The following ACOT11 variants were observed in gnomAD, a reference collection of about 807,000 sequenced individuals.
ACOT11 encodes the protein acyl-coenzyme A thioesterase 11.
ACOT11 carries 69 observed loss-of-function variants against 77.5 expected under a neutral mutation model. That is an observed-to-expected ratio of 0.89 (90% confidence interval 0.73 to 1.09). The LOEUF (loss-of-function observed/expected upper bound fraction) is 1.09, where lower values mean the gene tolerates loss of function less well. ACOT11 is among the 50% of genes least tolerant of loss of function. The probability of loss-of-function intolerance (pLI) is 0.00; values close to 1 mark genes in which losing one functional copy is unlikely to be tolerated. For synonymous variants in ACOT11, 279 were observed against 313.0 expected, an observed-to-expected ratio of 0.89 and a Z score of 1.15; for missense variants, 766 against 813.7, an observed-to-expected ratio of 0.94 and a Z score of 0.71.
chr1:54,555,853 T>G (rs1055681627), intron 1 of ACOT11, among the ~76,000 whole-genome samples: 1 of 152,190 alleles, frequency 6.6e-6, no homozygotes. Flanking sequence ...CAAGTGATTC[T>G]CCTGCTGCCT....
In ACOT11 at chr1:54,584,587, G is replaced by A. The variant is rs2100978724; in HGVS notation, c.34-68G>A. On this transcript the variant is annotated intron_variant, in intron 1 of 15. Coordinates refer to ENST00000343744, the MANE Select transcript of ACOT11 (RefSeq NM_147161.4). This position sits in a 1 kb window ranked among gnomAD's most constrained non-coding sequence, Gnocchi z 6.3. Reference sequence around the variant, plus strand: ...CCCCAGACCCTAAGTTCTCAGGGCTGGACAGACCTGGGAGACCCTGCAGCA... The same window carrying A: ...CCCCAGACCCTAAGTTCTCAGGGCTAGACAGACCTGGGAGACCCTGCAGCA... 1 of 1,476,530 alleles carries A rather than the reference G, an allele frequency of 6.8e-7. No homozygotes were observed. Among genetic ancestry groups the A allele is most frequent in the South Asian group, 1.2e-5 (1 of 80,636 alleles). The allele number at this position is 1,476,530 out of a possible 1,614,324, so 91.5% of individuals were successfully genotyped here.
chr1:54,608,142 T>C, intron 15 of ACOT11, 74 bp downstream of exon 15: 1 of 1,504,744 alleles, frequency 6.6e-7, no homozygotes, highest in Non-Finnish European at 8.9e-7. Context: ...AGCTCAGCAC[T>C]GCTGGGCTAG....
intron 15 of ACOT11, among the ~76,000 whole-genome samples, chr1:54,608,648 G>T (rs1334837942): frequency 2.0e-5 from 3 of 152,168 alleles, no homozygotes; most frequent in Non-Finnish European, 2.9e-5. Context: ...TCAGAGCTGG[G>T]CCCTGGAGAT....
At chr1:54,600,329 G>A (rs905264944) in intron 8 of ACOT11, among the ~76,000 whole-genome samples, 21 of 152,248 alleles carry the variant, frequency 1.4e-4, no homozygotes, top group Admixed American at 1.4e-3. Flanking sequence ...TCCACACTCT[G>A]CAATCATAGA....
chr1:54,567,813 C>T (rs1416983580), intron 1 of ACOT11, among the ~76,000 whole-genome samples: 1 of 152,188 alleles, frequency 6.6e-6, no homozygotes, highest in African/African-American at 2.4e-5. Context: ...CCCAGCCAGC[C>T]CTCTCCCCTG....
intron 15 of ACOT11, among the ~76,000 whole-genome samples, chr1:54,624,473 G>C (rs12405775): frequency 6.6e-6 from 1 of 151,982 alleles, no homozygotes. Context: ...GGATATAGAG[G>C]CTGTGGGCTC....
At chr1:54,608,915 C>T (rs1191213643) in intron 15 of ACOT11, 42 bp from the exon 16 acceptor site, 1 of 1,595,204 alleles carries the variant, frequency 6.3e-7, no homozygotes, top group Non-Finnish European at 8.6e-7. Flanking sequence ...CCAGGACCCT[C>T]CCCTAGCTTG....
chr1:54,607,036 C>A lies in ACOT11; in HGVS notation c.1371-98C>A. 6.6e-7 allele frequency: 1 copy of A among 1,526,340 alleles called. No homozygotes were observed. The allele number at this position is 1,526,340 out of a possible 1,614,324, so 94.5% of individuals were successfully genotyped here. ...AGGGGGTGACATCCCATCACAGAAGCTGCTCAGGCACTGCAGTGTGGCAGG... is the reference window on the plus strand; with the variant it reads ...AGGGGGTGACATCCCATCACAGAAGATGCTCAGGCACTGCAGTGTGGCAGG... On this transcript the variant is annotated intron_variant, in intron 13 of 15. Coordinates refer to ENST00000343744, the MANE Select transcript of ACOT11 (RefSeq NM_147161.4). The surrounding 1 kb of genome is among the most constrained non-coding windows in gnomAD (Gnocchi z 4.5).
Position 54,626,665 on chromosome 1 carries a change from C to T in ACOT11, c.1630-4069C>T, listed in dbSNP as rs913931429. 2.9e-5 allele frequency among the ~76,000 whole-genome samples: 4 copies of T among 137,008 alleles called. 1 individual carries two copies. The highest frequency in any genetic ancestry group is 1.0e-4 in the African/African-American group (4 of 40,128). The allele number at this position is 137,008 out of a possible 152,430, so 89.9% of individuals were successfully genotyped here. ...TCTACTTGTCCCTTCTTATTCACAC[C>T]CATTTACAATGGGACAGTCACTTAT... On this transcript the variant is annotated intron_variant, in intron 15 of 16. Transcript: ENST00000371316.
chr1:54,615,000 C>T, downstream of ACOT11: 1 of 794,046 alleles, frequency 1.3e-6, no homozygotes, highest in Non-Finnish European at 2.0e-6. Flanking sequence ...AGGACCAGCA[C>T]CACATCCCTG....
intron 13 of ACOT11, among the ~76,000 whole-genome samples, chr1:54,605,913 G>A (rs1223881292): frequency 1.3e-5 from 2 of 152,114 alleles, no homozygotes; most frequent in African/African-American, 4.8e-5. Flanking sequence ...GGGGCTCGAG[G>A]GGGTTCTTTG....
intron 16 of ACOT11, among the ~76,000 whole-genome samples, chr1:54,631,627 G>T (rs1005253303): frequency 6.6e-6 from 1 of 152,180 alleles, no homozygotes; most frequent in African/African-American, 2.4e-5. Flanking sequence ...TGCACAAGTG[G>T]TCATGCAGGA....
chr1:54,608,590 T>C (rs1159806920), intron 15 of ACOT11, among the ~76,000 whole-genome samples: 1 of 152,038 alleles, frequency 6.6e-6, no homozygotes, highest in East Asian at 1.9e-4. Flanking sequence ...CATGAGCGCC[T>C]CAGAACCATC....
intron 4 of ACOT11, among the ~76,000 whole-genome samples, chr1:54,593,324 T>G (rs982584181): frequency 1.2e-4 from 18 of 152,084 alleles, no homozygotes; most frequent in African/African-American, 4.1e-4. Context: ...TCACCCAAGC[T>G]GGAGTGCAGT....
chr1:54,593,896 T>C (rs1654802023), intron 4 of ACOT11, 45 bp from the exon 5 acceptor site: 2 of 1,540,978 alleles, frequency 1.3e-6, no homozygotes. Context: ...AACTGGTGAG[T>C]GCAATGTTGT....
chr1:54,607,855 C>A lies in ACOT11; in HGVS notation c.1503-87C>A. 1 of 1,545,272 alleles carries A rather than the reference C, an allele frequency of 6.5e-7. No homozygotes were observed. Among genetic ancestry groups the A allele is most frequent in the Non-Finnish European group, 8.8e-7 (1 of 1,131,874 alleles). ...GGTGAGGAATCTGTGCTAGAGGGGGCAGGGTCTCGGCCTTGGTTGGGCAGA... is the reference window on the plus strand; with the variant it reads ...GGTGAGGAATCTGTGCTAGAGGGGGAAGGGTCTCGGCCTTGGTTGGGCAGA... On this transcript the variant is annotated intron_variant, in intron 14 of 15. Transcript: ENST00000343744. This position sits in a 1 kb window ranked among gnomAD's most constrained non-coding sequence, Gnocchi z 4.5.
chr1:54,579,180 A>G (rs944258677), intron 1 of ACOT11, among the ~76,000 whole-genome samples: 4 of 152,142 alleles, frequency 2.6e-5, no homozygotes, highest in African/African-American at 9.7e-5. Flanking sequence ...GCTAGCTTTG[A>G]GGACGTATGC....
At chr1:54,576,782 C>T (rs931730678) in intron 1 of ACOT11, among the ~76,000 whole-genome samples, 2 of 152,022 alleles carry the variant, frequency 1.3e-5, no homozygotes, top group East Asian at 1.9e-4. Context: ...GAGGTGTGGG[C>T]GAGACTGGAG....
chr1:54,634,127 A>T (rs993367246), intron 16 of ACOT11, among the ~76,000 whole-genome samples: 3 of 152,200 alleles, frequency 2.0e-5, no homozygotes, highest in Non-Finnish European at 4.4e-5. Flanking sequence ...TGTCCCTCTC[A>T]CAAAGGCACA....
Sources: allele counts gnomAD v4.1 joint callset (sites outside exome capture counted in the v4.1 genomes callset), GRCh38; gene constraint gnomAD v4.1.1; non-coding constraint Gnocchi (gnomAD v3.1); transcripts MANE v1.5; gene names NCBI Gene and HGNC (gene_info 2026-07-23, HGNC 2026-07-21).